Variants in CLNK observed in about 807,000 individuals in gnomAD.
CLNK encodes cytokine-dependent hematopoietic cell linker.
A neutral mutation model predicts 68.6 loss-of-function variants in CLNK; 74 were observed. The ratio of observed to expected loss-of-function variants is 1.08; its 90% CI spans 0.89 to 1.31. The LOEUF is 1.31. CLNK is among the 50% of genes most tolerant of loss of function. CLNK has a pLI of 0.00. For synonymous variants in CLNK, 198 were observed against 172.2 expected (o/e 1.15, Z -1.17); for missense variants, 553 against 515.3 (o/e 1.07, Z -0.71).
At chr4:10,645,760 T>C (rs1305599299) in intron 2 of CLNK, among the ~76,000 whole-genome samples, 2 of 152,178 alleles carry the variant, frequency 1.3e-5, no homozygotes, top group Non-Finnish European at 2.9e-5. Context: ...TAAGTTCTAG[T>C]ATTCAAGAGT....
rs1490669904 is a variant in CLNK at position 10,597,972 on chromosome 4, T to A, written c.83+6A>T. The stretch of plus-strand genomic sequence containing the variant: ...CCTCTATTAATAAACAAGTAAATAT[T>A]CTGACCTGTTTTTTGGCAGACTGAA... On this transcript the variant is annotated splice_donor_region_variant and intron_variant, in intron 3 of 18. Coordinates refer to ENST00000226951, the MANE Select transcript of CLNK (RefSeq NM_052964.4). The A allele has an allele frequency of 1.3e-6, 2 of 1,558,576 alleles. No individual in the cohort carries two copies. The highest frequency in any genetic ancestry group is 2.4e-5 in the South Asian group (2 of 84,704).
At chr4:10,723,882 CAGAGAGAGAGAGAGAG>C in the CLNK span, among the ~76,000 whole-genome samples, 1 of 70,874 alleles carries the variant, frequency 1.4e-5, no homozygotes, top group African/African-American at 3.8e-5. Context: ...ACACAGGAGT[CAGAGAGAGAGAGAGAG>C]AGAGAGAGAG....
intron 2 of CLNK, among the ~76,000 whole-genome samples, chr4:10,639,264 C>T (rs2108874245): frequency 6.6e-6 from 1 of 152,360 alleles, no homozygotes; most frequent in East Asian, 1.9e-4. Flanking sequence ...CAGCCAGCCT[C>T]TCCTGCTGGT....
intron 2 of CLNK, among the ~76,000 whole-genome samples, chr4:10,598,365 T>G (rs561889368): frequency 6.6e-6 from 1 of 152,362 alleles, no homozygotes; most frequent in South Asian, 2.1e-4. Flanking sequence ...GGTACCGTCC[T>G]TAAGCTCTGC....
At chr4:10,501,691 C>A (rs1560190284) in intron 17 of CLNK, among the ~76,000 whole-genome samples, 8 of 152,136 alleles carry the variant, frequency 5.3e-5, no homozygotes, top group Admixed American at 5.2e-4. Context: ...CTTTGGGAGG[C>A]CAAGGCAGGC....
intron 18 of CLNK, among the ~76,000 whole-genome samples, chr4:10,496,414 G>A (rs755801495): frequency 2.6e-5 from 4 of 152,118 alleles, no homozygotes; most frequent in South Asian, 2.1e-4. Flanking sequence ...AAAGGCTCAC[G>A]CTGTGAAAAG....
chr4:10,566,710 G>T (rs1305213798), intron 5 of CLNK, among the ~76,000 whole-genome samples: 1 of 152,104 alleles, frequency 6.6e-6, no homozygotes, highest in Non-Finnish European at 1.5e-5. Flanking sequence ...TGGGCTAGGT[G>T]CGGTGGCTCA....
At chr4:10,561,412 T>C (rs912068709) in intron 7 of CLNK, among the ~76,000 whole-genome samples, 1 of 152,144 alleles carries the variant, frequency 6.6e-6, no homozygotes, top group African/African-American at 2.4e-5. Flanking sequence ...TATGAAGGAA[T>C]AGAAAGTGTA....
chr4:10,545,151 TTCC>T (rs1426516815), intron 8 of CLNK, among the ~76,000 whole-genome samples: 1 of 152,146 alleles, frequency 6.6e-6, no homozygotes, highest in Non-Finnish European at 1.5e-5. Context: ...AATATATTCA[TTCC>T]TCCTTGTAGC....
At chr4:10,631,122 C>G (rs1399945352) in intron 2 of CLNK, among the ~76,000 whole-genome samples, 2 of 151,912 alleles carry the variant, frequency 1.3e-5, no homozygotes, top group African/African-American at 4.8e-5. Context: ...TTCTGTGTCT[C>G]TCCTGCTCCT....
chr4:10,637,316 T>C (rs1723128302), intron 2 of CLNK, among the ~76,000 whole-genome samples: 1 of 152,068 alleles, frequency 6.6e-6, no homozygotes, highest in Non-Finnish European at 1.5e-5. Context: ...ATGGGGAAGC[T>C]ACAAGATTGG....
At chr4:10,629,657 C>T (rs1722809458) in intron 2 of CLNK, among the ~76,000 whole-genome samples, 1 of 152,264 alleles carries the variant, frequency 6.6e-6, no homozygotes, top group East Asian at 1.9e-4. Flanking sequence ...ATGGTGAGGT[C>T]AGCCCCAAAA....
At chr4:10,643,502 A>G (rs1201541923) in intron 2 of CLNK, among the ~76,000 whole-genome samples, 1 of 152,224 alleles carries the variant, frequency 6.6e-6, no homozygotes, top group Non-Finnish European at 1.5e-5. Context: ...CTTCTATCTC[A>G]TAACTTCCTG....
intron 12 of CLNK, among the ~76,000 whole-genome samples, chr4:10,528,991 G>C (rs1349142502): frequency 2.6e-5 from 4 of 152,038 alleles, no homozygotes; most frequent in Non-Finnish European, 4.4e-5. Flanking sequence ...GTATCTTTGG[G>C]CCCTATTCTA....
intron 2 of CLNK, 29 bp downstream of exon 2, chr4:10,667,830 G>A: frequency 6.4e-7 from 1 of 1,565,244 alleles, no homozygotes; most frequent in South Asian, 1.2e-5. Flanking sequence ...AAAGGGAACT[G>A]GGGCTCACAG....
At chr4:10,657,852 T>C (rs1052962352) in intron 2 of CLNK, among the ~76,000 whole-genome samples, 1 of 152,216 alleles carries the variant, frequency 6.6e-6, no homozygotes, top group Non-Finnish European at 1.5e-5. Flanking sequence ...AAAAATCAAA[T>C]TCCACCATCT....
intron 1 of CLNK, among the ~76,000 whole-genome samples, chr4:10,674,805 C>T (rs542221520): frequency 7.9e-5 from 12 of 152,244 alleles, no homozygotes; most frequent in Non-Finnish European, 1.6e-4. Context: ...GTAAAGATAA[C>T]GGATTTGATT....
At chr4:10,627,462 T>A (rs2531204) in intron 2 of CLNK, among the ~76,000 whole-genome samples, 1 of 152,162 alleles carries the variant, frequency 6.6e-6, no homozygotes, top group Non-Finnish European at 1.5e-5. Context: ...TTAATATCAT[T>A]GGCATTGGTT....
At chr4:10,627,682 G>T (rs1722728323) in intron 2 of CLNK, among the ~76,000 whole-genome samples, 1 of 152,090 alleles carries the variant, frequency 6.6e-6, no homozygotes, top group African/African-American at 2.4e-5. Flanking sequence ...CAGGGTGATT[G>T]CTAACTACTC....
Sources: gnomAD v4.1 joint callset for allele counts (sites outside exome capture counted in the v4.1 genomes callset) on GRCh38, gnomAD v4.1.1 for gene constraint, MANE v1.5 for transcripts, NCBI Gene and HGNC (gene_info 2026-07-23, HGNC 2026-07-21) for gene names.